The following MYO16 variants were observed in gnomAD, a reference collection of about 807,000 sequenced individuals.
MYO16 encodes the protein unconventional myosin-XVI.
In MYO16, 94 loss-of-function variants were observed where a neutral mutation model predicts 205.3. The ratio of observed to expected loss-of-function variants is 0.46; its 90% CI spans 0.39 to 0.54. MYO16 has a LOEUF of 0.54. Ranked by LOEUF, MYO16 falls within the 20% of genes least tolerant of loss-of-function variation. The pLI, the probability that MYO16 is intolerant of heterozygous loss-of-function variation, is 0.00. For synonymous variants in MYO16, 988 were observed against 954.0 expected, an observed-to-expected ratio of 1.04 and a Z score of -0.66; for missense variants, 2,315 against 2,387.5, an observed-to-expected ratio of 0.97 and a Z score of 0.63.
chr13:108,712,506 A>G (rs1425912863), intron 2 of MYO16, among the ~76,000 whole-genome samples, 155 bp from the exon 3 acceptor site: 1 of 152,222 alleles, frequency 6.6e-6, no homozygotes. Flanking sequence ...AACACCACCA[A>G]TCATCATAAT....
chr13:108,666,353 TA>T (rs972242151), intron 2 of MYO16, among the ~76,000 whole-genome samples: 1 of 151,760 alleles, frequency 6.6e-6, no homozygotes, highest in African/African-American at 2.4e-5. Flanking sequence ...CCTAGTAAGA[TA>T]AAAAAATGTA....
At chr13:109,083,751 G>A (rs1335293009) in intron 27 of MYO16, among the ~76,000 whole-genome samples, 1 of 152,160 alleles carries the variant, frequency 6.6e-6, no homozygotes, top group Non-Finnish European at 1.5e-5. Flanking sequence ...TCTCTCAAGT[G>A]TGCAGATAAT....
chr13:108,990,635 A>G (rs1884796763), intron 20 of MYO16, among the ~76,000 whole-genome samples: 1 of 152,184 alleles, frequency 6.6e-6, no homozygotes, highest in Admixed American at 6.6e-5. Flanking sequence ...CTTTCTTCTT[A>G]TAAACTAAGT....
the MYO16 span, among the ~76,000 whole-genome samples, chr13:108,570,889 G>A: frequency 2.0e-5 from 3 of 152,108 alleles, no homozygotes; most frequent in East Asian, 3.9e-4. Flanking sequence ...CTTTGGGATG[G>A]CCATTATTTT....
intron 4 of MYO16, among the ~76,000 whole-genome samples, chr13:108,769,574 G>T (rs1885893484): frequency 6.6e-6 from 1 of 152,194 alleles, no homozygotes; most frequent in Admixed American, 6.5e-5. Flanking sequence ...CTCTGCAAAA[G>T]GTTTTGAGGT....
At chr13:108,893,175 A>G (rs1030059993) in intron 14 of MYO16, among the ~76,000 whole-genome samples, 5 of 152,220 alleles carry the variant, frequency 3.3e-5, no homozygotes, top group Admixed American at 2.6e-4. Flanking sequence ...GAAAATCATC[A>G]GTCATTATAT....
At chr13:109,206,473 G>A (rs1880601602) in intron 34 of MYO16, 136 bp from the exon 35 acceptor site, 4 of 653,596 alleles carry the variant, frequency 6.1e-6, no homozygotes, top group Middle Eastern at 3.4e-4. Context: ...AGGCAGCAGT[G>A]CATGGAGATT....
chr13:108,769,329 C>T (rs1428568913), intron 4 of MYO16, among the ~76,000 whole-genome samples: 1 of 151,976 alleles, frequency 6.6e-6, no homozygotes, highest in Non-Finnish European at 1.5e-5. Flanking sequence ...GTGGGAGCCA[C>T]GTGTGTGAGG....
the MYO16 span, among the ~76,000 whole-genome samples, chr13:108,506,808 A>AACAG: frequency 6.6e-6 from 1 of 152,170 alleles, no homozygotes; most frequent in Non-Finnish European, 1.5e-5. Context: ...TCCATGGAGT[A>AACAG]TGATGTTAGC....
At chr13:109,203,994 G>A (rs1284638660) in intron 34 of MYO16, among the ~76,000 whole-genome samples, 1 of 152,086 alleles carries the variant, frequency 6.6e-6, no homozygotes. Flanking sequence ...AAACTCTCTG[G>A]ATCTGGGGAA....
chr13:109,083,375 C>G, intron 27 of MYO16, among the ~76,000 whole-genome samples: 1 of 55,884 alleles, frequency 1.8e-5, no homozygotes, highest in Non-Finnish European at 3.3e-5. Context: ...AAGAGGGAAA[C>G]TCCGTCTCAA....
chr13:108,498,803 T>C, the MYO16 span, among the ~76,000 whole-genome samples: 2,398 of 152,308 alleles, frequency 0.016, 61 homozygotes, highest in African/African-American at 0.054. Context: ...CAACACCTTA[T>C]CTGTCCCAAA....
chr13:108,522,762 G>A, the MYO16 span, among the ~76,000 whole-genome samples: 1 of 89,810 alleles, frequency 1.1e-5, no homozygotes, highest in African/African-American at 2.9e-5. Flanking sequence ...TGGGGTGTGT[G>A]TGTTTGTGTG....
At chr13:108,582,060 T>C in the MYO16 span, among the ~76,000 whole-genome samples, 5 of 152,278 alleles carry the variant, frequency 3.3e-5, no homozygotes, top group East Asian at 9.6e-4. Context: ...CAATAATGTA[T>C]TTTCTATGTA....
chr13:108,634,917 G>A (rs1435877968), intron 1 of MYO16, among the ~76,000 whole-genome samples: 1 of 152,006 alleles, frequency 6.6e-6, no homozygotes, highest in East Asian at 1.9e-4. Flanking sequence ...GTCCCCTTAG[G>A]CAGCCCTCCC....
At chr13:108,932,396 A>T (rs1333410806) in intron 16 of MYO16, among the ~76,000 whole-genome samples, 1 of 152,102 alleles carries the variant, frequency 6.6e-6, no homozygotes, top group Non-Finnish European at 1.5e-5. Flanking sequence ...GGTATTCCTC[A>T]TTGGCTTGGC....
chr13:108,549,438 G>A, the MYO16 span, among the ~76,000 whole-genome samples: 7 of 151,364 alleles, frequency 4.6e-5, no homozygotes, highest in African/African-American at 1.7e-4. Context: ...TTCCAGTAAC[G>A]CCTATTTTGG....
chr13:109,095,399 C>T (rs1393375020), intron 27 of MYO16, among the ~76,000 whole-genome samples: 1 of 152,156 alleles, frequency 6.6e-6, no homozygotes, highest in African/African-American at 2.4e-5. Flanking sequence ...ACTGGGGGAA[C>T]GTGTTTTAGC....
intron 28 of MYO16, among the ~76,000 whole-genome samples, chr13:109,119,507 G>A (rs1023618576): frequency 1.3e-5 from 2 of 152,160 alleles, no homozygotes; most frequent in Non-Finnish European, 2.9e-5. Context: ...GACTATGAGT[G>A]CCTTCTATGT....
Sources: gnomAD v4.1 joint callset for allele counts (sites outside exome capture counted in the v4.1 genomes callset) on GRCh38, gnomAD v4.1.1 for gene constraint, MANE v1.5 for transcripts, NCBI Gene and HGNC (gene_info 2026-07-23, HGNC 2026-07-21) for gene names.